CACNA2D1: variants seen among roughly 807,000 people sequenced by gnomAD.
CACNA2D1 encodes the protein calcium voltage-gated channel auxiliary subunit alpha2delta 1, also known as voltage-dependent calcium channel subunit alpha-2/delta-1.
In CACNA2D1, 53 loss-of-function variants were observed where a neutral mutation model predicts 171.5. That is an observed-to-expected ratio of 0.31 (90% confidence interval 0.25 to 0.39). The LOEUF (loss-of-function observed/expected upper bound fraction) is 0.39, where lower values mean the gene tolerates loss of function less well. Among genes scored for constraint, CACNA2D1 ranks in the 10% least tolerant of loss-of-function variants. CACNA2D1 has a pLI of 1.00. For missense variants in CACNA2D1, 903 were observed against 1,299.8 expected (o/e 0.69, Z 4.69); for synonymous variants, 442 against 443.1 (o/e 1.00, Z 0.03).
At chr7:82,158,339 T>C (rs554222145) in intron 4 of CACNA2D1, among the ~76,000 whole-genome samples, 3 of 149,492 alleles carry the variant, frequency 2.0e-5, no homozygotes, top group Non-Finnish European at 2.9e-5. Context: ...CAATAGGGAA[T>C]TAGCACTTTT....
intron 1 of CACNA2D1, among the ~76,000 whole-genome samples, chr7:82,397,414 G>GA (rs1825856032): frequency 6.6e-6 from 1 of 150,676 alleles, no homozygotes; most frequent in Admixed American, 6.6e-5. Context: ...TTGGTCCTTC[G>GA]TTTTTTTTCT....
At chr7:82,010,602 C>T (rs1799672843) in intron 15 of CACNA2D1, among the ~76,000 whole-genome samples, 2 of 152,092 alleles carry the variant, frequency 1.3e-5, no homozygotes, top group African/African-American at 4.8e-5. Flanking sequence ...TTGACCACAG[C>T]TTTGGATCAC....
chr7:82,406,927 A>G lies in CACNA2D1; in HGVS notation c.95+36438T>C, dbSNP rs565759213. On this transcript the variant is annotated intron_variant, in intron 1 of 38. Coordinates refer to ENST00000356860, the MANE Select transcript of CACNA2D1 (RefSeq NM_000722.4). ...CCCAAAAAATAAATATTCAATAACT[A>G]TAATGAATCAATGTATGTTTTAGTA... Among the ~76,000 whole-genome samples the G allele has an allele frequency of 1.2e-3, 183 of 152,368 alleles. 2 individuals carry two copies. The South Asian group carries it at 0.013, about 11-fold the overall frequency.
rs561482490 is a variant in CACNA2D1, at chr7:82,259,843, C to T, written c.294+75292G>A. Among the ~76,000 whole-genome samples, 3 of 152,298 alleles carry T rather than the reference C, an allele frequency of 2.0e-5. No individual in the cohort carries two copies. The South Asian group carries it at 6.2e-4, about 32-fold the overall frequency. On this transcript the variant is annotated intron_variant, in intron 3 of 38. Transcript: ENST00000356860. ...TAACCTTGAACAAGTTACTTAACCT[C>T]TGTTTTGTTTTTGAGGATCTTTGTC...
chr7:82,245,421 C>T (rs1804788006), intron 3 of CACNA2D1, among the ~76,000 whole-genome samples: 1 of 152,030 alleles, frequency 6.6e-6, no homozygotes, highest in African/African-American at 2.4e-5. Flanking sequence ...TTGAAATTCG[C>T]CTTTAATGGT....
chr7:81,969,507 A>G (rs1795046364), intron 28 of CACNA2D1, among the ~76,000 whole-genome samples: 1 of 151,334 alleles, frequency 6.6e-6, no homozygotes, highest in African/African-American at 2.4e-5. Context: ...TATTAATTGT[A>G]TAATTATATT....
chr7:82,410,974 T>A (rs1203563171), intron 1 of CACNA2D1, among the ~76,000 whole-genome samples: 2 of 152,238 alleles, frequency 1.3e-5, no homozygotes, highest in African/African-American at 4.8e-5. Flanking sequence ...CTATTTCACT[T>A]TGAAGATATT....
chr7:82,003,297 G>C (rs1446000192), intron 18 of CACNA2D1, among the ~76,000 whole-genome samples: 5 of 151,818 alleles, frequency 3.3e-5, no homozygotes, highest in Non-Finnish European at 7.4e-5. Context: ...ATTAATATTT[G>C]CTTTAATAAA....
chr7:82,002,021 C>CAAAAAAAAAAAA (rs35861959), intron 18 of CACNA2D1, among the ~76,000 whole-genome samples: 1 of 89,438 alleles, frequency 1.1e-5, no homozygotes, highest in African/African-American at 4.4e-5. Flanking sequence ...ATTGATTTGA[C>CAAAAAAAAAAAA]AAAAAAAAAA....
chr7:82,286,952 C>T (rs1025541326), intron 3 of CACNA2D1, among the ~76,000 whole-genome samples: 3 of 152,136 alleles, frequency 2.0e-5, no homozygotes, highest in Non-Finnish European at 2.9e-5. Flanking sequence ...ATGAAAAAGG[C>T]AGGCAGGTGC....
At chr7:82,175,222 C>T (rs1466637543) in intron 3 of CACNA2D1, among the ~76,000 whole-genome samples, 3 of 151,756 alleles carry the variant, frequency 2.0e-5, no homozygotes, top group African/African-American at 7.3e-5. Flanking sequence ...AGTTACACTC[C>T]CATAATGTTG....
chr7:82,397,820 C>T (rs976293339), intron 1 of CACNA2D1, among the ~76,000 whole-genome samples: 7 of 152,024 alleles, frequency 4.6e-5, no homozygotes, highest in Non-Finnish European at 8.8e-5. Context: ...GAGCTAACAC[C>T]GTAGCAGAGT....
chr7:82,137,900 T>C (rs1791862168), intron 4 of CACNA2D1, among the ~76,000 whole-genome samples: 1 of 151,812 alleles, frequency 6.6e-6, no homozygotes, highest in South Asian at 2.1e-4. Context: ...AATACACAAT[T>C]TTTAAAACGG....
At chr7:82,228,455 A>C (rs1017395115) in intron 3 of CACNA2D1, among the ~76,000 whole-genome samples, 2 of 152,196 alleles carry the variant, frequency 1.3e-5, no homozygotes, top group African/African-American at 4.8e-5. Context: ...ACTTGGTTAT[A>C]CATCATGGAA....
chr7:82,079,857 C>T (rs1038063130), intron 7 of CACNA2D1, among the ~76,000 whole-genome samples: 7 of 151,788 alleles, frequency 4.6e-5, no homozygotes, highest in Admixed American at 6.6e-5. Context: ...ATCATATAAA[C>T]GGTGACTTTA....
intron 10 of CACNA2D1, among the ~76,000 whole-genome samples, chr7:82,055,632 A>C (rs1218714376): frequency 2.0e-5 from 3 of 151,388 alleles, no homozygotes; most frequent in Non-Finnish European, 2.9e-5. Context: ...ATGAAGATGG[A>C]AACCATCATT....
chr7:82,230,993 ATGTT>A (rs1802870812), intron 3 of CACNA2D1, among the ~76,000 whole-genome samples: 1 of 152,214 alleles, frequency 6.6e-6, no homozygotes, highest in Non-Finnish European at 1.5e-5. Context: ...GTTTGGCTCA[ATGTT>A]TGTGGAATAA....
chr7:81,983,517 T>C (rs1204710229), intron 22 of CACNA2D1, among the ~76,000 whole-genome samples, 183 bp from the exon 23 acceptor site: 3 of 152,184 alleles, frequency 2.0e-5, no homozygotes, highest in Admixed American at 6.6e-5. Context: ...GAAGACTGGA[T>C]AGTATGTCCT....
intron 10 of CACNA2D1, among the ~76,000 whole-genome samples, chr7:82,042,784 C>T (rs1280285348): frequency 6.6e-6 from 1 of 152,148 alleles, no homozygotes; most frequent in Non-Finnish European, 1.5e-5. Flanking sequence ...TTTCTCCCTT[C>T]TTCACTCAGT....
Sources: allele counts gnomAD v4.1 joint callset (sites outside exome capture counted in the v4.1 genomes callset), GRCh38; gene constraint gnomAD v4.1.1; transcripts MANE v1.5; gene names NCBI Gene and HGNC (gene_info 2026-07-23, HGNC 2026-07-21).